The following SGCZ variants were observed in gnomAD, a reference collection of about 807,000 sequenced individuals.
The protein encoded by SGCZ is sarcoglycan zeta.
A neutral mutation model predicts 41.3 loss-of-function variants in SGCZ; 40 were observed. The ratio of observed to expected loss-of-function variants is 0.97; its 90% CI spans 0.75 to 1.26. The LOEUF is 1.26. Among genes scored for constraint, SGCZ ranks in the 50% most tolerant of loss-of-function variants. The pLI, the probability that SGCZ is intolerant of heterozygous loss-of-function variation, is 0.00. For synonymous variants in SGCZ, 206 were observed against 137.5 expected (o/e 1.50, Z -3.49); for missense variants, 552 against 369.8 (o/e 1.49, Z -4.04).
intron 1 of SGCZ, among the ~76,000 whole-genome samples, chr8:15,104,456 A>C (rs965643729): frequency 1.3e-5 from 2 of 152,228 alleles, no homozygotes; most frequent in African/African-American, 4.8e-5. Flanking sequence ...TTACACTTTA[A>C]AAAAACTAAA....
In SGCZ at chr8:14,088,271, C is replaced by A. The variant is rs149381292; in HGVS notation, c.*2172G>T. Among the ~76,000 whole-genome samples the A allele has an allele frequency of 5.9e-5, 9 of 151,786 alleles. No homozygotes were observed. Among genetic ancestry groups the A allele is most frequent in the Non-Finnish European group, 1.2e-4 (8 of 67,778 alleles). Reference sequence around the variant, plus strand: ...GTAAACTGAAGCCTGGAGAGATTCTCGAACTGCCTAAAACAGCTCAATTGA... The same window carrying A: ...GTAAACTGAAGCCTGGAGAGATTCTAGAACTGCCTAAAACAGCTCAATTGA... On this transcript the variant is annotated 3_prime_UTR_variant, in exon 8 of 8. Transcript: ENST00000382080.
At chr8:14,382,926 G>C (rs1283280927) in intron 2 of SGCZ, among the ~76,000 whole-genome samples, 1 of 152,140 alleles carries the variant, frequency 6.6e-6, no homozygotes, top group African/African-American at 2.4e-5. Flanking sequence ...ATCATACCTA[G>C]TTATTTCTTC....
At chr8:14,357,839 T>C (rs1384265000) in intron 2 of SGCZ, among the ~76,000 whole-genome samples, 4 of 152,190 alleles carry the variant, frequency 2.6e-5, no homozygotes, top group Non-Finnish European at 5.9e-5. Context: ...ATTTTCTTGC[T>C]AACTCCAAAA....
intron 1 of SGCZ, among the ~76,000 whole-genome samples, chr8:14,756,402 C>A (rs1174930497): frequency 6.6e-6 from 1 of 152,118 alleles, no homozygotes; most frequent in Admixed American, 6.5e-5. Flanking sequence ...TCAGGCTGGT[C>A]TCAAACTCCC....
At chr8:14,634,397 A>G (rs1806759817) in intron 1 of SGCZ, among the ~76,000 whole-genome samples, 1 of 151,576 alleles carries the variant, frequency 6.6e-6, no homozygotes, top group African/African-American at 2.4e-5. Flanking sequence ...TGTATTTTTT[A>G]AACCACCCAC....
intron 4 of SGCZ, among the ~76,000 whole-genome samples, chr8:14,186,638 C>T (rs1336420798): frequency 6.6e-6 from 1 of 152,190 alleles, no homozygotes; most frequent in Non-Finnish European, 1.5e-5. Context: ...TTCGGATACA[C>T]AGCTATAGTG....
chr8:15,210,795 T>C (rs373154514), intron 1 of SGCZ, among the ~76,000 whole-genome samples: 2 of 152,138 alleles, frequency 1.3e-5, no homozygotes, highest in Non-Finnish European at 2.9e-5. Context: ...TTAAGCCACC[T>C]ACTCTCTGAA....
intron 1 of SGCZ, among the ~76,000 whole-genome samples, chr8:14,743,654 A>T (rs564313141): frequency 1.3e-5 from 2 of 152,214 alleles, no homozygotes; most frequent in African/African-American, 4.8e-5. Context: ...AAAAGAGTGA[A>T]GATTTCCCCT....
chr8:14,721,954 A>T (rs1431512834), intron 1 of SGCZ, among the ~76,000 whole-genome samples: 1 of 152,088 alleles, frequency 6.6e-6, no homozygotes, highest in African/African-American at 2.4e-5. Context: ...TATTTTTCTC[A>T]CTGGCCCTTC....
At chr8:14,679,239 GTAT>G (rs1485656862) in intron 1 of SGCZ, among the ~76,000 whole-genome samples, 1 of 151,928 alleles carries the variant, frequency 6.6e-6, no homozygotes, top group African/African-American at 2.4e-5. Context: ...ACCATAAATT[GTAT>G]TATTATTTTA....
At chr8:14,205,608 G>C (rs769234464) in intron 4 of SGCZ, among the ~76,000 whole-genome samples, 1 of 152,026 alleles carries the variant, frequency 6.6e-6, no homozygotes, top group Non-Finnish European at 1.5e-5. Context: ...TCTTCAATCT[G>C]ACAAAGCAAA....
chr8:15,181,958 C>G (rs1257890307), intron 1 of SGCZ, among the ~76,000 whole-genome samples: 1 of 152,056 alleles, frequency 6.6e-6, no homozygotes, highest in Non-Finnish European at 1.5e-5. Context: ...ACATCTTATG[C>G]AGTGAGAAAA....
intron 4 of SGCZ, among the ~76,000 whole-genome samples, chr8:14,228,089 G>T (rs1806435383): frequency 6.6e-6 from 1 of 152,058 alleles, no homozygotes. Flanking sequence ...CCTGCCTCCA[G>T]ATGTTTTCAG....
At chr8:15,071,031 C>A (rs1253119714) in intron 1 of SGCZ, among the ~76,000 whole-genome samples, 2 of 152,090 alleles carry the variant, frequency 1.3e-5, no homozygotes, top group African/African-American at 2.4e-5. Flanking sequence ...CTAGTAATAC[C>A]TAAGAAGAAA....
intron 1 of SGCZ, among the ~76,000 whole-genome samples, chr8:14,800,899 A>T (rs1801300451): frequency 9.0e-6 from 1 of 110,776 alleles, no homozygotes; most frequent in Non-Finnish European, 1.9e-5. Context: ...AAGCAAACAA[A>T]AAACATCAGA....
chr8:15,059,491 G>C (rs1438590618), intron 1 of SGCZ, among the ~76,000 whole-genome samples: 1 of 152,112 alleles, frequency 6.6e-6, no homozygotes, highest in African/African-American at 2.4e-5. Context: ...TAAAAGGGAA[G>C]CAATTAAAAA....
In SGCZ at chr8:14,807,924, C is replaced by A. The variant is rs1388860327; in HGVS notation, c.40-252998G>T. Among the ~76,000 whole-genome samples the A allele has an allele frequency of 1.6e-4, 25 of 151,992 alleles. No individual in the cohort carries two copies. In the East Asian group the frequency reaches 3.3e-3, roughly 20 times the overall value. On this transcript the variant is annotated intron_variant, in intron 1 of 7. Coordinates refer to ENST00000382080, the MANE Select transcript of SGCZ (RefSeq NM_139167.4). ...CAGAACAGAGCCCTCAGAAATAACG[C>A]CGCATATCTACAACTATCTGATCTT... is the stretch of plus-strand genomic sequence containing the variant.
At chr8:14,797,267 T>G (rs957237495) in intron 1 of SGCZ, among the ~76,000 whole-genome samples, 2 of 152,096 alleles carry the variant, frequency 1.3e-5, no homozygotes, top group African/African-American at 2.4e-5. Flanking sequence ...AGTTTGGAAC[T>G]TCCTAGAGAC....
At chr8:14,251,348 G>A (rs932279874) in intron 3 of SGCZ, among the ~76,000 whole-genome samples, 5 of 152,106 alleles carry the variant, frequency 3.3e-5, no homozygotes, top group Admixed American at 6.5e-5. Flanking sequence ...AGCAGGCACC[G>A]GCCAACTTTT....
Sources: gnomAD v4.1 joint callset for allele counts (sites outside exome capture counted in the v4.1 genomes callset) on GRCh38, gnomAD v4.1.1 for gene constraint, MANE v1.5 for transcripts, NCBI Gene and HGNC (gene_info 2026-07-23, HGNC 2026-07-21) for gene names.